AFM: variants seen among roughly 807,000 people sequenced by gnomAD.
The protein encoded by AFM is alpha-Alb.
AFM carries 82 observed loss-of-function variants against 68.7 expected under a neutral mutation model. The observed-to-expected ratio is 1.19, with a 90% CI of 1.00 to 1.43. The LOEUF (loss-of-function observed/expected upper bound fraction) is 1.43, where lower values mean the gene tolerates loss of function less well. AFM is among the 40% of genes most tolerant of loss of function. AFM has a pLI of 0.00. For missense variants in AFM, 772 were observed against 701.8 expected, an observed-to-expected ratio of 1.10 and a Z score of -1.13; for synonymous variants, 250 against 234.2, an observed-to-expected ratio of 1.07 and a Z score of -0.61.
At chr4:73,501,960 C>T (rs777249627) in intron 13 of AFM, 41 bp downstream of exon 13, 2 of 1,601,362 alleles carry the variant, frequency 1.2e-6, no homozygotes, top group South Asian at 2.2e-5. Flanking sequence ...ACTGGTTTTC[C>T]TGGTCAAATA....
At chr4:73,490,343 T>C (rs1035567896) in intron 7 of AFM, among the ~76,000 whole-genome samples, 11 of 152,232 alleles carry the variant, frequency 7.2e-5, no homozygotes, top group African/African-American at 2.7e-4. Context: ...TGCTCCTAAC[T>C]GTACCCAAGT....
Position 73,482,396 on chromosome 4 carries a change from C to T in AFM, c.88+533C>T, listed in dbSNP as rs906004943. ...CCATCCAAAGGGGAAATATTTTGAA[C>T]CTCATATGTCTAGAGGAGGTGTCTT... On this transcript the variant is annotated intron_variant, in intron 1 of 14. Transcript: ENST00000226355. Among the ~76,000 whole-genome samples the T allele has an allele frequency of 2.6e-5, 4 of 152,320 alleles. 1 individual carries two copies. Among genetic ancestry groups the T allele is most frequent in the Non-Finnish European group, 5.9e-5 (4 of 68,026 alleles).
chr4:73,494,067 G>A (rs202123177), intron 8 of AFM, among the ~76,000 whole-genome samples: 2,134 of 146,736 alleles, frequency 0.015, 61 homozygotes, highest in African/African-American at 0.051. Context: ...TTAGGTGTGT[G>A]TGTGTGTGTG....
At chr4:73,487,148 C>T in intron 5 of AFM, 49 bp downstream of exon 5, 6 of 1,598,702 alleles carry the variant, frequency 3.8e-6, no homozygotes, top group Admixed American at 1.7e-5. Context: ...CACTCAATAC[C>T]ACAGATCCAG....
intron 11 of AFM, among the ~76,000 whole-genome samples, 189 bp from the exon 12 acceptor site, chr4:73,499,815 G>T (rs1577981450): frequency 6.6e-6 from 1 of 152,024 alleles, no homozygotes; most frequent in South Asian, 2.1e-4. Context: ...CTTGGATTTT[G>T]GTCATAATGC....
At chr4:73,499,469 T>C (rs1480821599) in intron 11 of AFM, among the ~76,000 whole-genome samples, 1 of 152,178 alleles carries the variant, frequency 6.6e-6, no homozygotes, top group Non-Finnish European at 1.5e-5. Flanking sequence ...ATTATCTTTC[T>C]TATTTCTTCA....
At chr4:73,487,657 G>A in intron 5 of AFM, 67 bp from the exon 6 acceptor site, 1 of 1,088,342 alleles carries the variant, frequency 9.2e-7, no homozygotes. Flanking sequence ...AATGAAATAT[G>A]ACTAAAAAAT....
At position 73,483,876 on chromosome 4, in the gene AFM, GTTAT is replaced by G. The variant is rs1328942423; in HGVS notation, c.89-58_89-55del. 12 of 1,336,458 alleles carry G rather than the reference GTTAT, an allele frequency of 9.0e-6. 1 individual carries two copies. In the East Asian group the frequency reaches 2.9e-4, roughly 33 times the overall value. 82.8% of individuals were successfully genotyped at this position (1,336,458 alleles called of 1,614,324 possible). On this transcript the variant is annotated intron_variant, in intron 1 of 14. Transcript: ENST00000226355. ...TTTATACACTTAAATGCCATGTATA[GTTAT>G]TTATTTGAAAAATGTTAGAAAACCA...
chr4:73,501,425 T>C (rs533003992), intron 12 of AFM, among the ~76,000 whole-genome samples: 29 of 152,276 alleles, frequency 1.9e-4, no homozygotes, highest in African/African-American at 6.3e-4. Flanking sequence ...TTTTGAAATA[T>C]ACAATAAATT....
chr4:73,489,429 T>C (rs2149344152), intron 7 of AFM, among the ~76,000 whole-genome samples: 1 of 152,344 alleles, frequency 6.6e-6, no homozygotes, highest in African/African-American at 2.4e-5. Flanking sequence ...AATGTATACA[T>C]GCACACACAT....
chr4:73,493,907 AGAGT>A (rs1157003476), intron 8 of AFM, among the ~76,000 whole-genome samples: 2 of 152,244 alleles, frequency 1.3e-5, no homozygotes, highest in Non-Finnish European at 2.9e-5. Context: ...GAGAAATGAT[AGAGT>A]AACAGTGAGC....
In AFM at chr4:73,487,100, G is replaced by C. The variant is rs1451628189; in HGVS notation, c.615+1G>C. Reference sequence around the variant, plus strand: ...CAAAGTCAACTGCCTTCAAACAAGGGTGGGTATAGCATTTGTTCCATGAAG... The same window carrying C: ...CAAAGTCAACTGCCTTCAAACAAGGCTGGGTATAGCATTTGTTCCATGAAG... On this transcript the variant is annotated splice_donor_variant, in intron 5 of 14. Coordinates refer to ENST00000226355, the MANE Select transcript of AFM (RefSeq NM_001133.2). LOFTEE classifies it high-confidence loss of function. The C allele has an allele frequency of 8.1e-6, 13 of 1,613,868 alleles. No homozygotes were observed. The East Asian group carries it at 2.2e-4, about 28-fold the overall frequency.
intron 12 of AFM, 70 bp from the exon 13 acceptor site, chr4:73,501,717 A>C: frequency 6.6e-7 from 1 of 1,504,548 alleles, no homozygotes; most frequent in Non-Finnish European, 9.0e-7. Flanking sequence ...TTCTGTAACA[A>C]GCATTTTGGA....
intron 3 of AFM, 56 bp from the exon 4 acceptor site, chr4:73,485,806 A>G (rs1229267165): frequency 7.1e-7 from 1 of 1,410,144 alleles, no homozygotes; most frequent in African/African-American, 1.4e-5. Context: ...CTCAGTGAGT[A>G]CAGAAGCTTT....
At chr4:73,484,440 CTCTTTCTTTCTTTCTTTCTTTCTTTCTT>C (rs71217474) in intron 3 of AFM, 50 bp downstream of exon 3, 42 of 1,077,148 alleles carry the variant, frequency 3.9e-5, no homozygotes, top group African/African-American at 1.9e-4. Context: ...GTCTTTCTTT[CTCTTTCTTTCTTTCTTTCTTTCTTTCTT>C]TCTTTCTTTC....
intron 6 of AFM, 141 bp from the exon 7 acceptor site, chr4:73,488,489 G>T: frequency 3.0e-6 from 2 of 672,460 alleles, no homozygotes; most frequent in East Asian, 3.1e-5. Flanking sequence ...CCAACTATTT[G>T]ATAAAGACTT....
chr4:73,482,521 G>A (rs149541560), intron 1 of AFM, among the ~76,000 whole-genome samples: 1,666 of 152,258 alleles, frequency 0.011, 11 homozygotes, highest in Non-Finnish European at 0.016. Flanking sequence ...CGTGTCTTAC[G>A]TGTCTTACTC....
chr4:73,497,725 T>C lies in AFM; in HGVS notation c.1265T>C (p.Leu422Ser), dbSNP rs749836752. 4 of 1,606,224 alleles carry C rather than the reference T, an allele frequency of 2.5e-6. No homozygotes were observed. In the South Asian group the frequency reaches 3.3e-5, roughly 13 times the overall value. The change falls in exon 10 of 15, where the codon TTG (leucine) becomes TCG (serine). Residue 422 changes from leucine (L) to serine (S), a missense_variant. Leu to Ser is a moderately radical substitution (Grantham distance 145). Transcript: ENST00000226355. ...CAAGAATGTAAACATTTCCAGAATT[T>C]GGGGAAGGATGGTTTGAAATACCAG... ...VQQECKHFQNLGKDGLKYHYL... is the reference protein window; with the variant it reads ...VQQECKHFQNSGKDGLKYHYL...
At chr4:73,495,257 C>T (rs751792170) in intron 8 of AFM, 43 bp from the exon 9 acceptor site, 11 of 1,530,050 alleles carry the variant, frequency 7.2e-6, no homozygotes, top group Admixed American at 2.3e-5. Flanking sequence ...GGGTTTTTTG[C>T]TCTTTCTCTA....
Sources: allele counts gnomAD v4.1 joint callset (sites outside exome capture counted in the v4.1 genomes callset), GRCh38; gene constraint gnomAD v4.1.1; transcripts MANE v1.5; gene names NCBI Gene and HGNC (gene_info 2026-07-23, HGNC 2026-07-21).